Variants in NPTX1 observed in about 807,000 individuals in gnomAD.
The protein encoded by NPTX1 is neuronal pentraxin-1.
A neutral mutation model predicts 38.7 loss-of-function variants in NPTX1; 12 were observed. That is an observed-to-expected ratio of 0.31 (90% CI 0.20 to 0.50). The LOEUF is 0.50. Ranked by LOEUF, NPTX1 falls within the 20% of genes least tolerant of loss-of-function variation. NPTX1 has a pLI of 0.98. For missense variants in NPTX1, 454 were observed against 592.2 expected (o/e 0.77, Z 2.42); for synonymous variants, 272 against 264.9 (o/e 1.03, Z -0.26).
rs1033533279 is a variant in NPTX1, at chr17:80,468,433, G to A, written c.*2380C>T. The A allele has an allele frequency of 1.3e-5, 2 of 152,368 alleles. No individual in the cohort carries two copies. Among genetic ancestry groups the A allele is most frequent in the African/African-American group, 2.4e-5 (1 of 41,472 alleles). 9.4% of individuals were successfully genotyped at this position (152,368 alleles called of 1,614,324 possible). A position where few individuals can be genotyped will look rare whatever the true frequency, so the allele number is the denominator to read the frequency against. ...CCCACGGGGGCAGAAGGTGGTCTGC[G>A]GTCCAGTAGATCGGCAGGGGCGGGG... On this transcript the variant is annotated 3_prime_UTR_variant, in exon 5 of 5. Transcript: ENST00000306773.
In NPTX1 at chr17:80,468,146, C is replaced by T. The variant is rs1055396751; in HGVS notation, c.*2667G>A. 1 of 152,792 alleles carries T rather than the reference C, an allele frequency of 6.5e-6. No homozygotes were observed. Among genetic ancestry groups the T allele is most frequent in the Non-Finnish European group, 1.5e-5 (1 of 68,166 alleles). The allele number at this position is 152,792 out of a possible 1,614,324, so 9.5% of individuals were successfully genotyped here. A position where few individuals can be genotyped will look rare whatever the true frequency, so the allele number is the denominator to read the frequency against. On this transcript the variant is annotated 3_prime_UTR_variant, in exon 5 of 5. Transcript: ENST00000306773. The stretch of plus-strand genomic sequence containing the variant: ...TGGATTAGATTTGCGGCTGTGTCAT[C>T]GACCTTTCTCGGGGCCAGCAAAGTG...
chr17:80,473,103 A>T, intron 3 of NPTX1, 97 bp downstream of exon 3: 1 of 1,470,728 alleles, frequency 6.8e-7, no homozygotes, highest in South Asian at 1.3e-5. Flanking sequence ...GGGCCCCATC[A>T]ACATCTGAGG....
chr17:80,476,098 T>C lies in NPTX1; in HGVS notation c.349A>G (p.Thr117Ala), dbSNP rs2083880125. Residue 117 changes from threonine (T) to alanine (A), a missense_variant, in exon 1 of 5, where the codon ACC (threonine) becomes GCC (alanine). Around this residue, in one of 4 missense-constraint regions of NPTX1, gnomAD observed 288 missense variants for 318.4 expected, o/e 0.90. Transcript: ENST00000306773. The surrounding 1 kb of genome is among the most constrained non-coding windows in gnomAD (Gnocchi z 6.3). ...GGTGTCCGGGACAGGTCGCCCATGG[T>C]GTTCTTGCCCGAGCCGGGCTGCTTG... ...GRKQPGSGKNTMGDLSRTPAA... is the reference protein window; with the variant it reads ...GRKQPGSGKNAMGDLSRTPAA... The C allele has an allele frequency of 1.9e-6, 3 of 1,604,670 alleles. No individual in the cohort carries two copies. Among genetic ancestry groups the C allele is most frequent in the Non-Finnish European group, 2.5e-6 (3 of 1,177,702 alleles).
At position 80,470,889 on chromosome 17, in the gene NPTX1, G is replaced by A; in HGVS notation, c.1223C>T (p.Ala408Val). The A allele has an allele frequency of 6.2e-7, 1 of 1,613,156 alleles. No homozygotes were observed. Among genetic ancestry groups the A allele is most frequent in the South Asian group, 1.1e-5 (1 of 91,062 alleles). The change falls in exon 5 of 5, where the codon GCC becomes GTC. Residue 408 changes from alanine to valine, a missense_variant. Physicochemically the swap from Ala to Val is moderately conservative, Grantham distance 64. Around this residue, in one of 4 missense-constraint regions of NPTX1, gnomAD observed 50 missense variants for 54.0 expected, o/e 0.93. Coordinates refer to ENST00000306773, the MANE Select transcript of NPTX1 (RefSeq NM_002522.4). The stretch of plus-strand genomic sequence containing the variant: ...GATCTCGATGTGGGATTCAGCCCAG[G>A]CGATGACATTGCCGGACAGAGCCTT... The part of the protein sequence containing the change: ...STKALSGNVI[A>V]WAESHIEIYG...
At position 80,476,050 on chromosome 17, in the gene NPTX1, G is replaced by T. The variant is rs376278711; in HGVS notation, c.397C>A (p.Leu133Ile). 15 of 1,609,030 alleles carry T rather than the reference G, an allele frequency of 9.3e-6. No individual in the cohort carries two copies. Among genetic ancestry groups the T allele is most frequent in the South Asian group, 2.2e-5 (2 of 90,958 alleles). ...TTGAGCGATTGCAAAGTTTGCCCGA[G>T]TTGGCTGAGCGTCTCGGCGGCCGGT... ...RTPAAETLSQ[L>I]GQTLQSLKTR... Residue 133 changes from leucine (L) to isoleucine (I), a missense_variant, in exon 1 of 5, where the codon CTC (leucine) becomes ATC (isoleucine). This residue lies in a region of NPTX1 where 288 missense variants were observed against 318.4 expected (regional missense o/e 0.90). Transcript: ENST00000306773. The surrounding 1 kb of genome is among the most constrained non-coding windows in gnomAD (Gnocchi z 6.3).
At position 80,468,299 on chromosome 17, in the gene NPTX1, C is replaced by T. The variant is rs923580601; in HGVS notation, c.*2514G>A. On this transcript the variant is annotated 3_prime_UTR_variant, in exon 5 of 5. Transcript: ENST00000306773. ...TCAGAGGAGGGGTGAGGAAGGTGAG[C>T]GGGCCAGGAGGCTGCAGGGGTGGAG... is the stretch of plus-strand genomic sequence containing the variant. 12 of 153,104 alleles carry T rather than the reference C, an allele frequency of 7.8e-5. No homozygotes were observed. The highest frequency in any genetic ancestry group is 1.2e-4 in the African/African-American group (5 of 41,470). The allele number at this position is 153,104 out of a possible 1,614,324, so 9.5% of individuals were successfully genotyped here.
rs1168635133 is a variant in NPTX1, at chr17:80,476,009, G to A, written c.438C>T (p.Asn146=). ...GCCGAGGGCGCGCGCGGACCTCGAG[G>A]TTCTCCAGGCGGGTTTTGAGCGATT... is the stretch of plus-strand genomic sequence containing the variant. ...TLQSLKTRLE[N]LEQYSRLNSS... Residue 146 remains asparagine, a synonymous_variant, in exon 1 of 5, where the codon AAC becomes AAT. Transcript: ENST00000306773. The surrounding 1 kb of genome is among the most constrained non-coding windows in gnomAD (Gnocchi z 6.3). 6.2e-7 allele frequency: 1 copy of A among 1,606,418 alleles called. No homozygotes were observed. Among genetic ancestry groups the A allele is most frequent in the South Asian group, 1.1e-5 (1 of 90,824 alleles).
Position 80,470,751 on chromosome 17 carries a change from A to C in NPTX1, c.*62T>G, listed in dbSNP as rs978846215. On this transcript the variant is annotated 3_prime_UTR_variant, in exon 5 of 5. Transcript: ENST00000306773. ...GAAAAGGGAGAGAAGAGACGCACAAAACAGATCATCGCCGCACAAGCAGGG... is the reference window on the plus strand; with the variant it reads ...GAAAAGGGAGAGAAGAGACGCACAACACAGATCATCGCCGCACAAGCAGGG... The C allele has an allele frequency of 1.5e-4, 177 of 1,189,800 alleles. No homozygotes were observed. The highest frequency in any genetic ancestry group is 2.0e-4 in the Non-Finnish European group (165 of 832,010). The allele number at this position is 1,189,800 out of a possible 1,614,324, so 73.7% of individuals were successfully genotyped here. A position where few individuals can be genotyped will look rare whatever the true frequency, so the allele number is the denominator to read the frequency against.
chr17:80,475,767 G>T lies in NPTX1; in HGVS notation c.445-49C>A. ...AACCACACCGTTAGGCGAGGCGCGG[G>T]GACCGTGCTGGAAGGCCCGCGGCGC... On this transcript the variant is annotated intron_variant, in intron 1 of 4. Transcript: ENST00000306773. The surrounding 1 kb of genome is among the most constrained non-coding windows in gnomAD (Gnocchi z 6.5). The T allele has an allele frequency of 1.4e-6, 2 of 1,435,980 alleles. No individual in the cohort carries two copies. Among genetic ancestry groups the T allele is most frequent in the Non-Finnish European group, 9.6e-7 (1 of 1,036,866 alleles). 89.0% of individuals were successfully genotyped at this position (1,435,980 alleles called of 1,614,324 possible).
chr17:80,475,957 G>C lies in NPTX1; in HGVS notation c.444+46C>G. 1.3e-6 allele frequency: 2 copies of C among 1,499,838 alleles called. No homozygotes were observed. The highest frequency in any genetic ancestry group is 1.8e-6 in the Non-Finnish European group (2 of 1,086,250). The allele number at this position is 1,499,838 out of a possible 1,614,324, so 92.9% of individuals were successfully genotyped here. ...GGAACGGGGTGGGGGAGGGCAGAGG[G>C]GCGAGCGAGCCGGAGGGGGAACCGG... On this transcript the variant is annotated intron_variant, in intron 1 of 4. Coordinates refer to ENST00000306773, the MANE Select transcript of NPTX1 (RefSeq NM_002522.4). This position sits in a 1 kb window ranked among gnomAD's most constrained non-coding sequence, Gnocchi z 6.5.
intron 2 of NPTX1, chr17:80,474,800 A>ACT (rs2083867411): frequency 1.7e-5 from 2 of 114,790 alleles, no homozygotes; most frequent in South Asian, 3.5e-4. Flanking sequence ...CGCACCGGGC[A>ACT]CCCCCCCCCC....
Position 80,471,726 on chromosome 17 carries a change from C to G in NPTX1, c.1077+6G>C, listed in dbSNP as rs759554364. 6.2e-7 allele frequency: 1 copy of G among 1,610,598 alleles called. No homozygotes were observed. The highest frequency in any genetic ancestry group is 1.1e-5 in the South Asian group (1 of 90,814). On this transcript the variant is annotated splice_donor_region_variant and intron_variant, in intron 4 of 4. Transcript: ENST00000306773. ...CTCCCCTTCCCCACCACATCCAGCA[C>G]AGTACCTGCTCCTGGCCCAGCACCA...
chr17:80,467,777 G>A lies in NPTX1; in HGVS notation c.*3036C>T, dbSNP rs1403335525. On this transcript the variant is annotated 3_prime_UTR_variant, in exon 5 of 5. Transcript: ENST00000306773. ...TGAAAGTATTTTCAAGGGAGATATA[G>A]GTTGAGTTAATTTATAGGTTTGTCC... is the stretch of plus-strand genomic sequence containing the variant. 1.3e-5 allele frequency: 2 copies of A among 152,500 alleles called. No homozygotes were observed. Among genetic ancestry groups the A allele is most frequent in the Non-Finnish European group, 2.9e-5 (2 of 68,046 alleles). The allele number at this position is 152,500 out of a possible 1,614,324, so 9.4% of individuals were successfully genotyped here.
intron 3 of NPTX1, among the ~76,000 whole-genome samples, chr17:80,472,536 G>A (rs1394009845): frequency 2.0e-5 from 3 of 152,316 alleles, no homozygotes; most frequent in South Asian, 2.1e-4. Context: ...TTGGGGAAAG[G>A]GGGCCCAGAA....
Position 80,470,555 on chromosome 17 carries a change from G to A in NPTX1, c.*258C>T. The stretch of plus-strand genomic sequence containing the variant: ...CTTCTGCCTTGTTCAAGACGTTGCA[G>A]CACCCACTTCAGCTGTGAATGGGGC... On this transcript the variant is annotated 3_prime_UTR_variant, in exon 5 of 5. Transcript: ENST00000306773. 2.6e-6 allele frequency: 1 copy of A among 388,838 alleles called. No homozygotes were observed. Among genetic ancestry groups the A allele is most frequent in the Non-Finnish European group, 4.7e-6 (1 of 211,700 alleles). The allele number at this position is 388,838 out of a possible 1,614,324, so 24.1% of individuals were successfully genotyped here. A position where few individuals can be genotyped will look rare whatever the true frequency, so the allele number is the denominator to read the frequency against.
chr17:80,466,899 GA>G lies in NPTX1; in HGVS notation c.*3913del, dbSNP rs57945494. Among the ~76,000 whole-genome samples, 47,568 of 132,124 alleles carry G rather than the reference GA, an allele frequency of 0.36. 8,014 individuals carry two copies. Among genetic ancestry groups the G allele is most frequent in the Non-Finnish European group, 0.39 (24,584 of 63,564 alleles). 86.7% of individuals were successfully genotyped at this position (132,124 alleles called of 152,430 possible). A position where few individuals can be genotyped will look rare whatever the true frequency, so the allele number is the denominator to read the frequency against. On this transcript the variant is annotated 3_prime_UTR_variant, in exon 5 of 5. Transcript: ENST00000306773. ...ATTCATGTCATTTCAGCAAGAAAAT[GA>G]AAAAAAAAAAAAAAGCAAGAATACC... is the stretch of plus-strand genomic sequence containing the variant.
At position 80,476,452 on chromosome 17, in the gene NPTX1, C is replaced by T; in HGVS notation, c.-6G>A. The stretch of plus-strand genomic sequence containing the variant: ...GCGGCGCGGCCGGCCGGCATGGCTG[C>T]GGGCACCGGGCGCTCCGGGCCCGGC... On this transcript the variant is annotated 5_prime_UTR_variant, in exon 1 of 5. Transcript: ENST00000306773. This position sits in a 1 kb window ranked among gnomAD's most constrained non-coding sequence, Gnocchi z 6.3. 1.6e-6 allele frequency: 2 copies of T among 1,247,748 alleles called. No individual in the cohort carries two copies. Among genetic ancestry groups the T allele is most frequent in the Non-Finnish European group, 1.0e-6 (1 of 1,000,530 alleles). The allele number at this position is 1,247,748 out of a possible 1,614,324, so 77.3% of individuals were successfully genotyped here.
In NPTX1 at chr17:80,470,790, G is replaced by T; in HGVS notation, c.*23C>A. 6.6e-7 allele frequency: 1 copy of T among 1,507,504 alleles called. No individual in the cohort carries two copies. The allele number at this position is 1,507,504 out of a possible 1,614,324, so 93.4% of individuals were successfully genotyped here. On this transcript the variant is annotated 3_prime_UTR_variant, in exon 5 of 5. Transcript: ENST00000306773. The stretch of plus-strand genomic sequence containing the variant: ...GCACAAGCAGGGGGCGAGGGCGGGC[G>T]GGCTCAGCCTGGCCTGCCGTGCTCA...
Position 80,468,720 on chromosome 17 carries a change from C to G in NPTX1, c.*2093G>C, listed in dbSNP as rs1384589176. The G allele has an allele frequency of 6.6e-6, 1 of 152,264 alleles. No homozygotes were observed. The highest frequency in any genetic ancestry group is 2.4e-5 in the African/African-American group (1 of 41,448). 9.4% of individuals were successfully genotyped at this position (152,264 alleles called of 1,614,324 possible). On this transcript the variant is annotated 3_prime_UTR_variant, in exon 5 of 5. Coordinates refer to ENST00000306773, the MANE Select transcript of NPTX1 (RefSeq NM_002522.4). ...GACCTCCTCCAACACCCTTGACTTG[C>G]TTACCCAGCCATTTTCAGTAGCTAC...
Sources: gnomAD v4.1 joint callset for allele counts (sites outside exome capture counted in the v4.1 genomes callset) on GRCh38, gnomAD v4.1.1 for gene constraint, gnomAD v4.1.1 regional missense constraint, Gnocchi (gnomAD v3.1) non-coding constraint, MANE v1.5 for transcripts, NCBI Gene and HGNC (gene_info 2026-07-23, HGNC 2026-07-21) for gene names.